The following DIAPH1 variants were observed in gnomAD, a reference collection of about 807,000 sequenced individuals.
The protein encoded by DIAPH1 is protein diaphanous homolog 1.
A neutral mutation model predicts 140.7 loss-of-function variants in DIAPH1; 46 were observed. The observed-to-expected ratio is 0.33, with a 90% CI of 0.26 to 0.42. The LOEUF (loss-of-function observed/expected upper bound fraction) is 0.42, where lower values mean the gene tolerates loss of function less well. Ranked by LOEUF, DIAPH1 falls within the 10% of genes least tolerant of loss-of-function variation. The pLI is 1.00. For synonymous variants in DIAPH1, 565 were observed against 551.6 expected (o/e 1.02, Z -0.34); for missense variants, 1,310 against 1,558.7 (o/e 0.84, Z 2.69).
intron 5 of DIAPH1, 94 bp from the exon 6 acceptor site, chr5:141,583,386 A>C (rs1233095601): frequency 6.2e-6 from 10 of 1,607,424 alleles, no homozygotes; most frequent in Non-Finnish European, 8.5e-6. Context: ...CTCCCAATTC[A>C]GACTATTCTC....
intron 1 of DIAPH1, among the ~76,000 whole-genome samples, chr5:141,610,280 C>T (rs754014393): frequency 6.6e-5 from 10 of 151,994 alleles, no homozygotes; most frequent in African/African-American, 2.4e-4. Flanking sequence ...TACAGGCACC[C>T]ACCACCACAC....
intron 1 of DIAPH1, 112 bp downstream of exon 1, chr5:141,618,686 G>T: frequency 1.5e-6 from 1 of 683,850 alleles, no homozygotes; most frequent in Non-Finnish European, 2.5e-6. Context: ...AAACGAGGAA[G>T]GAAGGCGCGG....
Position 141,618,945 on chromosome 5 carries a change from G to T in DIAPH1, c.-31C>A, listed in dbSNP as rs977114362. The stretch of plus-strand genomic sequence containing the variant: ...GGTTCACGCTGGCCGGCGACCCCGC[G>T]CCTACGCCGCTCCCGCCTGGCAGCT... On this transcript the variant is annotated 5_prime_UTR_variant, in exon 1 of 28. Transcript: ENST00000389054. The T allele has an allele frequency of 2.3e-6, 3 of 1,311,122 alleles. No homozygotes were observed. The Admixed American group carries it at 8.4e-5, about 37-fold the overall frequency. 81.2% of individuals were successfully genotyped at this position (1,311,122 alleles called of 1,614,324 possible). A position where few individuals can be genotyped will look rare whatever the true frequency, so the allele number is the denominator to read the frequency against.
intron 16 of DIAPH1, 140 bp from the exon 17 acceptor site, chr5:141,572,180 G>C: frequency 2.8e-6 from 2 of 705,650 alleles, no homozygotes; most frequent in Non-Finnish European, 5.2e-6. Context: ...TTGAGGCACA[G>C]AATAGCTGCA....
At chr5:141,532,211 G>T (rs1314937226) in intron 19 of DIAPH1, among the ~76,000 whole-genome samples, 2 of 150,466 alleles carry the variant, frequency 1.3e-5, no homozygotes, top group Admixed American at 6.6e-5. Flanking sequence ...TTACTCTGTT[G>T]CCCAGGCTGC....
At chr5:141,581,407 G>A (rs528407680) in intron 7 of DIAPH1, among the ~76,000 whole-genome samples, 32 of 152,264 alleles carry the variant, frequency 2.1e-4, no homozygotes, top group African/African-American at 7.7e-4. Flanking sequence ...AATTAATACA[G>A]GGGTAGAATA....
In DIAPH1 at chr5:141,546,662, G is replaced by GA. The variant is rs547342313; in HGVS notation, c.2483-12230dup. ...CAGAATGAGACTCTGAAAAAAAAAAGAAAAAAAAAAAAAGAGACTCTCCTC... is the reference window on the plus strand; with the variant it reads ...CAGAATGAGACTCTGAAAAAAAAAAGAAAAAAAAAAAAAAGAGACTCTCCTC... On this transcript the variant is annotated intron_variant, in intron 18 of 27. Coordinates refer to ENST00000389054, the MANE Select transcript of DIAPH1 (RefSeq NM_005219.5). 6.3e-3 allele frequency among the ~76,000 whole-genome samples: 728 copies of GA among 116,160 alleles called. 5 individuals carry two copies. The highest frequency in any genetic ancestry group is 0.014 in the Admixed American group (164 of 11,680). 76.2% of individuals were successfully genotyped at this position (116,160 alleles called of 152,430 possible). A position where few individuals can be genotyped will look rare whatever the true frequency, so the allele number is the denominator to read the frequency against.
chr5:141,590,952 A>C (rs533042176), intron 1 of DIAPH1, among the ~76,000 whole-genome samples: 2 of 152,172 alleles, frequency 1.3e-5, no homozygotes, highest in Admixed American at 1.3e-4. Flanking sequence ...TACTATATCC[A>C]AGAGGAAATC....
intron 24 of DIAPH1, 102 bp from the exon 25 acceptor site, chr5:141,526,563 G>T: frequency 7.2e-7 from 1 of 1,379,918 alleles, no homozygotes; most frequent in Non-Finnish European, 1.0e-6. Flanking sequence ...GCAAAGGGAT[G>T]TTCAATACAG....
At chr5:141,580,641 G>A in intron 8 of DIAPH1, 103 bp downstream of exon 8, 1 of 1,149,640 alleles carries the variant, frequency 8.7e-7, no homozygotes, top group Non-Finnish European at 1.3e-6. Context: ...ATCTTACCTA[G>A]TATTTATGAC....
intron 1 of DIAPH1, among the ~76,000 whole-genome samples, chr5:141,613,772 G>A (rs889056792): frequency 5.9e-5 from 9 of 151,860 alleles, no homozygotes; most frequent in Non-Finnish European, 1.2e-4. Context: ...CCTAAGAAAC[G>A]TGTTAAAAAA....
At chr5:141,596,047 G>A (rs1596400821) in intron 1 of DIAPH1, among the ~76,000 whole-genome samples, 1 of 152,240 alleles carries the variant, frequency 6.6e-6, no homozygotes, top group East Asian at 1.9e-4. Flanking sequence ...AGCCAGGCAT[G>A]GGCCAGCCGC....
At position 141,579,127 on chromosome 5, in the gene DIAPH1, C is replaced by T. The variant is rs1220567582; in HGVS notation, c.894G>A (p.Leu298=). 1 of 1,614,084 alleles carries T rather than the reference C, an allele frequency of 6.2e-7. No individual in the cohort carries two copies. The highest frequency in any genetic ancestry group is 1.3e-5 in the African/African-American group (1 of 74,936). ...EMDEVERFQP[L]LDGLKSGTTI... is the part of the protein sequence containing the mutation. The stretch of plus-strand genomic sequence containing the variant: ...TGGTTCCACTTTTTAATCCATCCAG[C>T]AGCGGCTGGAAACGTTCCACTTCAT... Residue 298 remains leucine (L), a synonymous_variant, in exon 9 of 28, where the codon CTG becomes CTA. Coordinates refer to ENST00000389054, the MANE Select transcript of DIAPH1 (RefSeq NM_005219.5).
At position 141,582,365 on chromosome 5, in the gene DIAPH1, T is replaced by C. The variant is rs1440841163; in HGVS notation, c.631A>G (p.Ser211Gly). The C allele has an allele frequency of 6.2e-7, 1 of 1,612,718 alleles. No individual in the cohort carries two copies. Among genetic ancestry groups the C allele is most frequent in the South Asian group, 1.1e-5 (1 of 91,044 alleles). ...EKEETAGSYD[S>G]RNKHEIIRCL... ...CGAATGATCTCATGCTTGTTCCGGC[T>C]ATCGTAACTCCTGTATATAGAAGAC... Residue 211 changes from serine to glycine, a missense_variant, in exon 7 of 28, where the codon AGC (serine) becomes GGC (glycine). Around this residue, in one of 3 missense-constraint regions of DIAPH1, gnomAD observed 377 missense variants for 497.1 expected, o/e 0.76. Coordinates refer to ENST00000389054, the MANE Select transcript of DIAPH1 (RefSeq NM_005219.5).
Position 141,575,066 on chromosome 5 carries a change from T to C in DIAPH1, c.1542A>G (p.Gln514=), listed in dbSNP as rs1249282294. 12 of 1,614,094 alleles carry C rather than the reference T, an allele frequency of 7.4e-6. No individual in the cohort carries two copies. Among genetic ancestry groups the C allele is most frequent in the Admixed American group, 1.7e-5 (1 of 59,996 alleles). Residue 514 remains glutamine, a synonymous_variant, in exon 15 of 28, where the codon CAA becomes CAG. Coordinates refer to ENST00000389054, the MANE Select transcript of DIAPH1 (RefSeq NM_005219.5). ...GTGCATCTTTTTCTCCCTGAAGATC[T>C]TGAAGCTTCTGCTCAAAGTCACTTT... ...KMESDFEQKL[Q]DLQGEKDALH...
At position 141,551,830 on chromosome 5, in the gene DIAPH1, G is replaced by C. The variant is rs553924315; in HGVS notation, c.2483-17397C>G. On this transcript the variant is annotated intron_variant, in intron 18 of 27. Transcript: ENST00000389054. ...AATGGAGACATACAGAACACTTCAC[G>C]TAACTGAAGACCATATACGTGTTCT... Among the ~76,000 whole-genome samples the C allele has an allele frequency of 2.0e-5, 3 of 152,242 alleles. No homozygotes were observed. The East Asian group carries it at 5.8e-4, about 29-fold the overall frequency.
At chr5:141,567,503 T>C (rs919845144) in intron 18 of DIAPH1, among the ~76,000 whole-genome samples, 45 of 152,144 alleles carry the variant, frequency 3.0e-4, no homozygotes, top group Non-Finnish European at 5.0e-4. Flanking sequence ...TCCCAACAAG[T>C]GTTCACTTGA....
intron 18 of DIAPH1, among the ~76,000 whole-genome samples, chr5:141,540,385 C>A (rs755202263): frequency 1.3e-5 from 2 of 151,974 alleles, no homozygotes; most frequent in African/African-American, 4.8e-5. Context: ...CGGGTTCAAG[C>A]GATTCTTCTG....
intron 18 of DIAPH1, chr5:141,558,450 C>A (rs1372468313): frequency 6.6e-6 from 1 of 152,098 alleles, no homozygotes; most frequent in Non-Finnish European, 1.5e-5. Context: ...TGGGGAGTTG[C>A]CTGACATCCT....
Sources: allele counts gnomAD v4.1 joint callset (sites outside exome capture counted in the v4.1 genomes callset), GRCh38; gene constraint gnomAD v4.1.1; regional missense constraint gnomAD v4.1.1; transcripts MANE v1.5; gene names NCBI Gene and HGNC (gene_info 2026-07-23, HGNC 2026-07-21).